HPGD: variants seen among roughly 807,000 people sequenced by gnomAD.
HPGD encodes 15-hydroxyprostaglandin dehydrogenase [NAD(+)].
Under a neutral mutation model 30.0 loss-of-function variants are expected in HPGD, and 29 were observed. The ratio of observed to expected loss-of-function variants is 0.97; its 90% confidence interval spans 0.72 to 1.32. The LOEUF is 1.32. HPGD is among the 40% of genes most tolerant of loss of function. The probability of loss-of-function intolerance (pLI) is 0.00; values close to 1 mark genes in which losing one functional copy is unlikely to be tolerated. For missense variants in HPGD, 340 were observed against 322.1 expected, an observed-to-expected ratio of 1.06 and a Z score of -0.43; for synonymous variants, 99 against 112.4, an observed-to-expected ratio of 0.88 and a Z score of 0.75.
At chr4:174,503,961 T>C (rs1160164903) in intron 4 of HPGD, among the ~76,000 whole-genome samples, 1 of 152,156 alleles carries the variant, frequency 6.6e-6, no homozygotes, top group East Asian at 1.9e-4. Flanking sequence ...TGGCCTCAAG[T>C]GATCCTCCTG....
intron 3 of HPGD, among the ~76,000 whole-genome samples, chr4:174,512,569 T>C (rs1863641): frequency 0.17 from 25,686 of 152,104 alleles, 2,748 homozygotes; most frequent in Non-Finnish European, 0.24. Context: ...AAAAAAGAGT[T>C]ATATAAACTA....
intron 4 of HPGD, among the ~76,000 whole-genome samples, chr4:174,497,395 C>G (rs1164578841): frequency 2.0e-5 from 3 of 152,028 alleles, no homozygotes; most frequent in African/African-American, 4.8e-5. Flanking sequence ...AACATACATA[C>G]TTTCCTTAAA....
chr4:174,504,673 C>T (rs1234414898), intron 4 of HPGD, among the ~76,000 whole-genome samples: 3 of 150,008 alleles, frequency 2.0e-5, no homozygotes, highest in East Asian at 3.9e-4. Context: ...AAAAGCCAGA[C>T]GTGGTGGTGT....
chr4:174,499,818 T>C (rs937207553), intron 4 of HPGD, among the ~76,000 whole-genome samples: 1 of 152,170 alleles, frequency 6.6e-6, no homozygotes, highest in African/African-American at 2.4e-5. Flanking sequence ...CTTCCTTGAC[T>C]AGACCCATAA....
rs577643057 is a variant in HPGD, at chr4:174,499,611, C to T, written c.422-3987G>A. Among the ~76,000 whole-genome samples, 13 of 152,296 alleles carry T rather than the reference C, an allele frequency of 8.5e-5. No homozygotes were observed. The South Asian group carries it at 2.7e-3, about 32-fold the overall frequency. ...TTCCCATCAGGCTTTCATCTGATCA[C>T]TCCAGTCAAACAGATCTTATGGAGG... On this transcript the variant is annotated intron_variant, in intron 4 of 6. Transcript: ENST00000296522.
rs1052324115 is a variant in HPGD at position 174,496,186 on chromosome 4, T to C, written c.422-562A>G. Among the ~76,000 whole-genome samples, 2 of 152,342 alleles carry C rather than the reference T, an allele frequency of 1.3e-5. No homozygotes were observed. Among genetic ancestry groups the C allele is most frequent in the African/African-American group, 4.8e-5 (2 of 41,586 alleles). ...TAACTTCTTCTTTTTATTTGATCTA[T>C]TGTAGATGCCTAGATCTTTTTGTCC... On this transcript the variant is annotated intron_variant, in intron 4 of 6. Transcript: ENST00000296522. The surrounding 1 kb of genome is among the most constrained non-coding windows in gnomAD (Gnocchi z 4.6).
At chr4:174,522,093 G>C (rs777998534) in intron 1 of HPGD, 26 bp from the exon 2 acceptor site, 123 of 1,614,058 alleles carry the variant, frequency 7.6e-5, no homozygotes, top group Non-Finnish European at 9.8e-5. Flanking sequence ...GAGGAATCGC[G>C]GGCCTGCGCA....
intron 2 of HPGD, among the ~76,000 whole-genome samples, chr4:174,520,886 A>T (rs1316216007): frequency 6.6e-6 from 1 of 152,156 alleles, no homozygotes; most frequent in Non-Finnish European, 1.5e-5. Flanking sequence ...ATAGGTCTTT[A>T]TTAGCATTTT....
chr4:174,518,877 C>A (rs1305699500), intron 2 of HPGD, among the ~76,000 whole-genome samples: 4 of 152,034 alleles, frequency 2.6e-5, no homozygotes, highest in South Asian at 2.1e-4. Context: ...TTTCCCCGGG[C>A]CTTTGATCAT....
rs1171169045 is a variant in HPGD, at chr4:174,492,896, CTAAA to C, written c.662+251_662+254del. Among the ~76,000 whole-genome samples, 1 of 152,066 alleles carries C rather than the reference CTAAA, an allele frequency of 6.6e-6. No homozygotes were observed. The highest frequency in any genetic ancestry group is 1.5e-5 in the Non-Finnish European group (1 of 67,982). ...AAGGTATCATTGCCTTCAAAGGTGACTAAATATCAACTTTATGACTGATGGTAGT... is the reference window on the plus strand; with the variant it reads ...AAGGTATCATTGCCTTCAAAGGTGACTATCAACTTTATGACTGATGGTAGT... On this transcript the variant is annotated intron_variant, in intron 6 of 6. Coordinates refer to ENST00000296522, the MANE Select transcript of HPGD (RefSeq NM_000860.6). The surrounding 1 kb of genome is among the most constrained non-coding windows in gnomAD (Gnocchi z 4.9).
chr4:174,519,772 C>T (rs946811658), intron 2 of HPGD, among the ~76,000 whole-genome samples: 49 of 152,094 alleles, frequency 3.2e-4, no homozygotes, highest in African/African-American at 1.2e-3. Context: ...CCCCTATTTC[C>T]CTTTGCTGAC....
At chr4:174,518,331 A>C (rs1735900983) in intron 2 of HPGD, among the ~76,000 whole-genome samples, 1 of 152,176 alleles carries the variant, frequency 6.6e-6, no homozygotes, top group Non-Finnish European at 1.5e-5. Flanking sequence ...CTTAACTTTA[A>C]CATATTCTTA....
intron 4 of HPGD, among the ~76,000 whole-genome samples, chr4:174,502,544 G>A (rs1001322681): frequency 2.1e-4 from 32 of 152,168 alleles, no homozygotes; most frequent in Admixed American, 3.9e-4. Context: ...CAGGCGTGGT[G>A]GCGGGCGCCT....
At position 174,507,850 on chromosome 4, in the gene HPGD, T is replaced by C. The variant is rs1448111011; in HGVS notation, c.421+846A>G. The C allele has an allele frequency of 1.2e-5, 5 of 413,456 alleles. No homozygotes were observed. In the South Asian group the frequency reaches 1.8e-4, roughly 15 times the overall value. 25.6% of individuals were successfully genotyped at this position (413,456 alleles called of 1,614,324 possible). A position where few individuals can be genotyped will look rare whatever the true frequency, so the allele number is the denominator to read the frequency against. Reference sequence around the variant, plus strand: ...AAATCATACTACTCTGAAAATACTATAGTTTAGGATTGCATGCTGTGGAAA... The same window carrying C: ...AAATCATACTACTCTGAAAATACTACAGTTTAGGATTGCATGCTGTGGAAA... On this transcript the variant is annotated intron_variant, in intron 4 of 6. Coordinates refer to ENST00000296522, the MANE Select transcript of HPGD (RefSeq NM_000860.6).
chr4:174,520,427 T>A (rs1736044878), intron 2 of HPGD, among the ~76,000 whole-genome samples: 1 of 152,240 alleles, frequency 6.6e-6, no homozygotes, highest in Admixed American at 6.5e-5. Context: ...TAAACAATTT[T>A]AAAAGTTATA....
At chr4:174,504,804 A>G (rs1296419461) in intron 4 of HPGD, among the ~76,000 whole-genome samples, 1 of 143,502 alleles carries the variant, frequency 7.0e-6, no homozygotes, top group Non-Finnish European at 1.5e-5. Context: ...CACGAGTGAA[A>G]CTCTGTCTCA....
intron 3 of HPGD, among the ~76,000 whole-genome samples, 189 bp downstream of exon 3, chr4:174,517,782 A>G (rs1185951707): frequency 6.6e-6 from 1 of 152,184 alleles, no homozygotes; most frequent in African/African-American, 2.4e-5. Context: ...ATTTTAAGAT[A>G]GACTTACTTT....
At chr4:174,517,087 G>A (rs1175899672) in intron 3 of HPGD, among the ~76,000 whole-genome samples, 2 of 152,174 alleles carry the variant, frequency 1.3e-5, no homozygotes, top group African/African-American at 2.4e-5. Flanking sequence ...CAAGGTCAGG[G>A]AGACCCCAGG....
chr4:174,518,049 A>G lies in HPGD; in HGVS notation c.246T>C (p.Phe82=). The G allele has an allele frequency of 6.3e-7, 1 of 1,598,664 alleles. No homozygotes were observed. Among genetic ancestry groups the G allele is most frequent in the Non-Finnish European group, 8.6e-7 (1 of 1,166,196 alleles). Residue 82 remains phenylalanine (F), a synonymous_variant, in exon 3 of 7, where the codon TTT becomes TTC. Transcript: ENST00000296522. ...RDTFRKVVDH[F]GRLDILVNNA... The stretch of plus-strand genomic sequence containing the variant: ...TATTGACCAAAATGTCCAGTCTTCC[A>G]AAGTGGTCTACAACTTTTCTAAAAG...
Sources: allele counts gnomAD v4.1 joint callset (sites outside exome capture counted in the v4.1 genomes callset), GRCh38; gene constraint gnomAD v4.1.1; non-coding constraint Gnocchi (gnomAD v3.1); transcripts MANE v1.5; gene names NCBI Gene and HGNC (gene_info 2026-07-23, HGNC 2026-07-21).